NAV2: variants seen among roughly 807,000 people sequenced by gnomAD.
NAV2 encodes helicase, APC down-regulated 1.
In NAV2, 54 loss-of-function variants were observed where a neutral mutation model predicts 223.2. The observed-to-expected ratio is 0.24, with a 90% CI of 0.19 to 0.30. NAV2 has a LOEUF of 0.30. Among genes scored for constraint, NAV2 ranks in the 10% least tolerant of loss-of-function variants. The pLI, the probability that NAV2 is intolerant of heterozygous loss-of-function variation, is 1.00. For missense variants in NAV2, 2,806 were observed against 3,147.5 expected (o/e 0.89, Z 2.60); for synonymous variants, 1,279 against 1,239.3 (o/e 1.03, Z -0.67).
chr11:19,476,562 G>A (rs1320980037), intron 1 of NAV2, among the ~76,000 whole-genome samples: 1 of 152,076 alleles, frequency 6.6e-6, no homozygotes, highest in Non-Finnish European at 1.5e-5. Context: ...AAAAAGGTGG[G>A]GGGCAGTTTT....
At chr11:19,351,016 G>A in exon 1 of NAV2, 1 of 1,551,630 alleles carries the variant, frequency 6.4e-7, no homozygotes, top group East Asian at 2.4e-5. Context: ...CGGACTGGAA[G>A]ATCAAAAGAG....
In NAV2 at chr11:19,940,253, C is replaced by CA. The variant is rs947720464; in HGVS notation, c.2146+490dup. On this transcript the variant is annotated intron_variant, in intron 8 of 37. Coordinates refer to ENST00000349880, the MANE Select transcript of NAV2 (RefSeq NM_145117.5). Reference sequence around the variant, plus strand: ...GTAACATGCTTCTTTTTACCAGAAACAAAAAAAAAATATAAATTTTATTTA... The same window carrying CA: ...GTAACATGCTTCTTTTTACCAGAAACAAAAAAAAAAATATAAATTTTATTTA... 2.0e-3 allele frequency among the ~76,000 whole-genome samples: 284 copies of CA among 144,946 alleles called. 3 individuals are homozygous for CA. Among genetic ancestry groups the CA allele is most frequent in the African/African-American group, 5.6e-3 (223 of 39,492 alleles).
At chr11:20,025,450 G>A (rs1474785658) in intron 11 of NAV2, among the ~76,000 whole-genome samples, 2 of 152,234 alleles carry the variant, frequency 1.3e-5, no homozygotes, top group Non-Finnish European at 2.9e-5. Flanking sequence ...CTCCAGAGGA[G>A]CCTTGAAGGA....
At chr11:19,894,969 A>T (rs940347227) in intron 6 of NAV2, among the ~76,000 whole-genome samples, 3 of 151,158 alleles carry the variant, frequency 2.0e-5, no homozygotes, top group Admixed American at 6.6e-5. Context: ...ACCTCAGTTG[A>T]TCCGCCCGCC....
intron 1 of NAV2, among the ~76,000 whole-genome samples, chr11:19,407,948 C>G (rs1849972419): frequency 6.6e-6 from 1 of 152,118 alleles, no homozygotes; most frequent in African/African-American, 2.4e-5. Flanking sequence ...ATTTCATGAC[C>G]TCAGGAGCCC....
chr11:19,524,697 T>C (rs561701187), intron 1 of NAV2, among the ~76,000 whole-genome samples: 6 of 152,286 alleles, frequency 3.9e-5, no homozygotes, highest in Non-Finnish European at 8.8e-5. Context: ...TTGGGGACTT[T>C]ATTGTTTTTA....
At chr11:19,799,585 T>A (rs943600384) in intron 1 of NAV2, among the ~76,000 whole-genome samples, 1 of 31,530 alleles carries the variant, frequency 3.2e-5, no homozygotes, top group Non-Finnish European at 6.0e-5. Context: ...GGAGGGTGGG[T>A]GGCGGGGTGA....
At chr11:19,610,407 G>A (rs138433618) in intron 1 of NAV2, among the ~76,000 whole-genome samples, 63 of 152,264 alleles carry the variant, frequency 4.1e-4, no homozygotes, top group African/African-American at 1.4e-3. Context: ...TGGGTGCCAC[G>A]GGCTCATTCA....
intron 1 of NAV2, among the ~76,000 whole-genome samples, chr11:19,648,838 G>A (rs1035953454): frequency 6.6e-6 from 1 of 152,038 alleles, no homozygotes; most frequent in Admixed American, 6.6e-5. Context: ...ATACAGATAA[G>A]CCAAAAAGAA....
At chr11:20,067,013 C>T (rs952636422) in intron 20 of NAV2, among the ~76,000 whole-genome samples, 3 of 152,096 alleles carry the variant, frequency 2.0e-5, no homozygotes, top group Non-Finnish European at 4.4e-5. Context: ...GTGGGCTCCC[C>T]CTGTGGGAGG....
At chr11:19,953,856 C>T (rs796422977) in intron 10 of NAV2, among the ~76,000 whole-genome samples, 230 of 127,124 alleles carry the variant, frequency 1.8e-3, no homozygotes, top group African/African-American at 4.3e-3. Flanking sequence ...TGCACGCGCG[C>T]GCGTGTGTGT....
chr11:19,921,823 A>G (rs2044297748), intron 6 of NAV2, among the ~76,000 whole-genome samples: 1 of 152,260 alleles, frequency 6.6e-6, no homozygotes. Flanking sequence ...GAATAAAAGA[A>G]GTTAAAACAA....
At chr11:19,583,219 A>G (rs1327014798) in intron 1 of NAV2, among the ~76,000 whole-genome samples, 1 of 152,180 alleles carries the variant, frequency 6.6e-6, no homozygotes, top group Non-Finnish European at 1.5e-5. Flanking sequence ...ATTTTTGCAC[A>G]TTGATTTTGT....
chr11:19,440,868 C>T (rs10766558), intron 1 of NAV2, among the ~76,000 whole-genome samples: 46,735 of 152,134 alleles, frequency 0.31, 7,626 homozygotes, highest in Middle Eastern at 0.37. Flanking sequence ...CTTGAAACAC[C>T]TCTGCCCCAT....
intron 8 of NAV2, among the ~76,000 whole-genome samples, chr11:19,944,863 G>T (rs145895806): frequency 5.1e-5 from 7 of 137,628 alleles, no homozygotes; most frequent in Admixed American, 2.2e-4. Context: ...TGTCTTGCTT[G>T]TCTTTCTTTC....
In NAV2 at chr11:19,382,762, C is replaced by CA. The variant is rs908074922; in HGVS notation, c.75+31736dup. On this transcript the variant is annotated intron_variant, in intron 1 of 37. Coordinates refer to the NAV2 transcript ENST00000360655. ...CCACCTCATATAGCTTCCATTATTC[C>CA]ACCCATTTTATAGATGAGGATGCTG... 5.1e-4 allele frequency among the ~76,000 whole-genome samples: 78 copies of CA among 152,254 alleles called. 1 individual carries two copies. The highest frequency in any genetic ancestry group is 1.9e-3 in the African/African-American group (77 of 41,540).
intron 1 of NAV2, among the ~76,000 whole-genome samples, chr11:19,812,137 G>A (rs1403421935): frequency 6.7e-6 from 1 of 150,196 alleles, no homozygotes; most frequent in East Asian, 1.9e-4. Flanking sequence ...CAAATTGCAC[G>A]GCTAAGCTGC....
intron 1 of NAV2, among the ~76,000 whole-genome samples, chr11:19,468,250 T>G (rs1852439517): frequency 6.6e-6 from 1 of 152,138 alleles, no homozygotes; most frequent in Non-Finnish European, 1.5e-5. Flanking sequence ...TGCCTAGAGT[T>G]GTATATTAGT....
In NAV2 at chr11:20,044,130, C is replaced by T. The variant is rs754463021; in HGVS notation, c.3057C>T (p.Ser1019=). ...RRNPSDVSDE[S]DKSTSGKKNP... The stretch of plus-strand genomic sequence containing the variant: ...ATCCTTCTGATGTGTCTGACGAGTC[C>T]GACAAAAGCACGTCGGGCAAGAAGA... Residue 1019 remains serine (S), a synonymous_variant, in exon 13 of 38, where the codon TCC becomes TCT. Coordinates refer to ENST00000349880, the MANE Select transcript of NAV2 (RefSeq NM_145117.5). 1.2e-5 allele frequency: 19 copies of T among 1,613,978 alleles called. No homozygotes were observed. The highest frequency in any genetic ancestry group is 8.3e-5 in the Admixed American group (5 of 59,994).
Sources: gnomAD v4.1 joint callset for allele counts (sites outside exome capture counted in the v4.1 genomes callset) on GRCh38, gnomAD v4.1.1 for gene constraint, MANE v1.5 for transcripts, NCBI Gene and HGNC (gene_info 2026-07-23, HGNC 2026-07-21) for gene names.